Variants in SND1 observed in about 807,000 individuals in gnomAD.
SND1 encodes staphylococcal nuclease and tudor domain containing 1.
A neutral mutation model predicts 121.7 loss-of-function variants in SND1; 38 were observed. That is an observed-to-expected ratio of 0.31 (90% CI 0.24 to 0.41). The LOEUF is 0.41. Ranked by LOEUF, SND1 falls within the 10% of genes least tolerant of loss-of-function variation. SND1 has a pLI of 1.00. For synonymous variants in SND1, 401 were observed against 447.4 expected, an observed-to-expected ratio of 0.90 and a Z score of 1.31; for missense variants, 868 against 1,184.6, an observed-to-expected ratio of 0.73 and a Z score of 3.92.
chr7:127,902,351 CT>C, intron 13 of SND1, among the ~76,000 whole-genome samples: 1 of 152,298 alleles, frequency 6.6e-6, no homozygotes, highest in East Asian at 1.9e-4. Flanking sequence ...CTTTGCAGGC[CT>C]TGCCTTGAAG....
chr7:127,704,661 A>G (rs1439717901), intron 7 of SND1, among the ~76,000 whole-genome samples, 178 bp from the exon 8 acceptor site: 1 of 152,194 alleles, frequency 6.6e-6, no homozygotes, highest in Non-Finnish European at 1.5e-5. Context: ...TCAGAGTGGC[A>G]TCTCTCCCAT....
intron 14 of SND1, among the ~76,000 whole-genome samples, chr7:127,921,494 G>A (rs1800704714): frequency 2.6e-5 from 4 of 152,112 alleles, no homozygotes; most frequent in Admixed American, 2.6e-4. Flanking sequence ...TTAGTTAGGG[G>A]AAAAGTTTTC....
At chr7:127,855,032 G>A (rs1584620100) in intron 12 of SND1, among the ~76,000 whole-genome samples, 1 of 148,792 alleles carries the variant, frequency 6.7e-6, no homozygotes, top group Admixed American at 6.7e-5. Flanking sequence ...TTTTTTTAAA[G>A]AATATAAAAT....
intron 16 of SND1, among the ~76,000 whole-genome samples, chr7:128,004,535 C>G (rs1802914174): frequency 6.6e-6 from 1 of 152,194 alleles, no homozygotes; most frequent in African/African-American, 2.4e-5. Flanking sequence ...TTTCTCTATG[C>G]CATGAAATCT....
intron 12 of SND1, among the ~76,000 whole-genome samples, chr7:127,873,476 A>G (rs1799634325): frequency 6.6e-6 from 1 of 152,108 alleles, no homozygotes; most frequent in Non-Finnish European, 1.5e-5. Flanking sequence ...CAAGACCGAG[A>G]AGAGAAAATC....
At chr7:128,057,679 G>A (rs934263946) in intron 16 of SND1, among the ~76,000 whole-genome samples, 3 of 151,840 alleles carry the variant, frequency 2.0e-5, no homozygotes, top group South Asian at 2.1e-4. Flanking sequence ...GCCGAATCTC[G>A]CTAGTGTGGC....
At chr7:127,776,761 A>G (rs1584564817) in intron 10 of SND1, among the ~76,000 whole-genome samples, 1 of 152,198 alleles carries the variant, frequency 6.6e-6, no homozygotes, top group South Asian at 2.1e-4. Flanking sequence ...GGTATTTCTT[A>G]TAACCAAAGG....
At chr7:128,089,442 GTGGT>G (rs759865013) in intron 21 of SND1, 43 bp from the exon 22 acceptor site, 6 of 1,550,280 alleles carry the variant, frequency 3.9e-6, no homozygotes, top group Middle Eastern at 3.9e-4. Flanking sequence ...TGGGGCCCAA[GTGGT>G]TGTTCTCTGG....
intron 16 of SND1, among the ~76,000 whole-genome samples, chr7:128,006,019 C>T: frequency 6.6e-6 from 1 of 152,150 alleles, no homozygotes; most frequent in East Asian, 1.9e-4. Flanking sequence ...GCCAAAGGTG[C>T]AAAGGTTTGT....
chr7:127,858,476 G>A (rs1310341003), intron 12 of SND1: 1 of 604,902 alleles, frequency 1.7e-6, no homozygotes. Context: ...CTGGCGTGGG[G>A]TCTCATTTCT....
intron 10 of SND1, among the ~76,000 whole-genome samples, chr7:127,792,404 C>G (rs971752316): frequency 6.6e-6 from 1 of 152,068 alleles, no homozygotes; most frequent in African/African-American, 2.4e-5. Flanking sequence ...GTGCTTTTAG[C>G]TACTGTGTCA....
At chr7:127,871,425 G>A (rs1799583883) in intron 12 of SND1, among the ~76,000 whole-genome samples, 1 of 152,166 alleles carries the variant, frequency 6.6e-6, no homozygotes, top group African/African-American at 2.4e-5. Context: ...TGTGAGTAAT[G>A]CATTGTGCTG....
At chr7:128,077,846 C>A (rs1464394783) in intron 17 of SND1, among the ~76,000 whole-genome samples, 1 of 152,242 alleles carries the variant, frequency 6.6e-6, no homozygotes, top group Non-Finnish European at 1.5e-5. Context: ...AGGCTCTTCC[C>A]CAGCTCCTCC....
At chr7:127,769,503 A>G (rs972522472) in intron 10 of SND1, among the ~76,000 whole-genome samples, 1 of 152,206 alleles carries the variant, frequency 6.6e-6, no homozygotes, top group African/African-American at 2.4e-5. Flanking sequence ...AACCTGTCCA[A>G]ATAATTCTGG....
At chr7:127,730,760 T>G (rs1241021628) in intron 10 of SND1, among the ~76,000 whole-genome samples, 1 of 152,254 alleles carries the variant, frequency 6.6e-6, no homozygotes, top group Non-Finnish European at 1.5e-5. Flanking sequence ...TAGTTGATAC[T>G]CAGGTGTTAG....
intron 16 of SND1, among the ~76,000 whole-genome samples, chr7:128,020,996 A>C (rs890228190): frequency 3.9e-5 from 6 of 152,148 alleles, no homozygotes; most frequent in African/African-American, 9.7e-5. Context: ...TAATGAAAAA[A>C]ATAGTCTTCC....
At chr7:127,892,651 A>G (rs1283633453) in intron 13 of SND1, among the ~76,000 whole-genome samples, 4 of 152,054 alleles carry the variant, frequency 2.6e-5, no homozygotes, top group African/African-American at 7.2e-5. Flanking sequence ...CCCCTGCCTC[A>G]TTACCTTATG....
In SND1 at chr7:127,981,816, T is replaced by C. The variant is rs114644274; in HGVS notation, c.1670-9131T>C. Among the ~76,000 whole-genome samples the C allele has an allele frequency of 5.2e-3, 791 of 152,322 alleles. 5 individuals carry two copies. The highest frequency in any genetic ancestry group is 0.018 in the African/African-American group (763 of 41,566). On this transcript the variant is annotated intron_variant, in intron 15 of 23. Transcript: ENST00000354725. Reference sequence around the variant, plus strand: ...CTCTTCCACTGGCTGTGGTCAATGATTGAGCATTTAACCACACACTCACCT... The same window carrying C: ...CTCTTCCACTGGCTGTGGTCAATGACTGAGCATTTAACCACACACTCACCT...
At chr7:127,925,874 C>A (rs531780151) in intron 14 of SND1, among the ~76,000 whole-genome samples, 2 of 151,262 alleles carry the variant, frequency 1.3e-5, no homozygotes, top group South Asian at 4.2e-4. Flanking sequence ...GGATTACAGC[C>A]GTGAGCCATC....
Sources: gnomAD v4.1 joint callset for allele counts (sites outside exome capture counted in the v4.1 genomes callset) on GRCh38, gnomAD v4.1.1 for gene constraint, MANE v1.5 for transcripts, NCBI Gene and HGNC (gene_info 2026-07-23, HGNC 2026-07-21) for gene names.